The following FSTL4 variants were observed in gnomAD, a reference collection of about 807,000 sequenced individuals.
FSTL4 encodes follistatin like 4, also known as follistatin-related protein 4.
FSTL4 carries 28 observed loss-of-function variants against 78.2 expected under a neutral mutation model. The ratio of observed to expected loss-of-function variants is 0.36; its 90% CI spans 0.27 to 0.49. The LOEUF (loss-of-function observed/expected upper bound fraction) is 0.49, where lower values mean the gene tolerates loss of function less well. FSTL4 is among the 20% of genes least tolerant of loss of function. FSTL4 has a pLI of 0.98. For missense variants in FSTL4, 922 were observed against 1,084.9 expected, an observed-to-expected ratio of 0.85 and a Z score of 2.11; for synonymous variants, 422 against 440.5, an observed-to-expected ratio of 0.96 and a Z score of 0.53.
intron 6 of FSTL4, among the ~76,000 whole-genome samples, chr5:133,280,593 T>A (rs956612310): frequency 1.3e-5 from 2 of 152,250 alleles, no homozygotes; most frequent in Non-Finnish European, 1.5e-5. Context: ...TGACCACAAC[T>A]GGGAGGCTCC....
chr5:133,800,742 T>C, the FSTL4 span, among the ~76,000 whole-genome samples: 1 of 90,542 alleles, frequency 1.1e-5, no homozygotes. Context: ...ATGCTTCACC[T>C]CCCCAGACAT....
chr5:133,335,368 G>A (rs891181179), intron 4 of FSTL4, among the ~76,000 whole-genome samples: 7 of 151,960 alleles, frequency 4.6e-5, no homozygotes, highest in African/African-American at 1.5e-4. Context: ...ATGGACTCAG[G>A]CACGGCTGGG....
the FSTL4 span, among the ~76,000 whole-genome samples, chr5:133,832,233 A>T: frequency 2.0e-5 from 3 of 152,254 alleles, no homozygotes; most frequent in Non-Finnish European, 2.9e-5. Context: ...CTCTAAAGGA[A>T]GCTGTGAATA....
chr5:133,721,467 T>C, the FSTL4 span, among the ~76,000 whole-genome samples: 1 of 152,230 alleles, frequency 6.6e-6, no homozygotes, highest in African/African-American at 2.4e-5. Context: ...GCAGTACTAG[T>C]GGTGATGAAT....
At chr5:133,243,320 CTGTTTTTTT>C (rs1427207632) in intron 7 of FSTL4, among the ~76,000 whole-genome samples, 2 of 151,866 alleles carry the variant, frequency 1.3e-5, no homozygotes, top group African/African-American at 4.8e-5. Flanking sequence ...TTTGTTTTTT[CTGTTTTTTT>C]AAAAAAGAAT....
intron 3 of FSTL4, among the ~76,000 whole-genome samples, chr5:133,529,069 ATTGT>A (rs1759197094): frequency 6.6e-6 from 1 of 152,148 alleles, no homozygotes; most frequent in Non-Finnish European, 1.5e-5. Flanking sequence ...CTTGGAAGCC[ATTGT>A]CAGCCTGGAT....
chr5:133,203,127 C>T (rs541462295), intron 14 of FSTL4, among the ~76,000 whole-genome samples: 4 of 152,312 alleles, frequency 2.6e-5, no homozygotes, highest in East Asian at 3.9e-4. Context: ...ACCAGTGGTC[C>T]GATGAGGGGC....
chr5:133,427,038 A>G (rs1561712792), intron 3 of FSTL4, among the ~76,000 whole-genome samples: 1 of 152,242 alleles, frequency 6.6e-6, no homozygotes, highest in East Asian at 1.9e-4. Flanking sequence ...CATCCTATGA[A>G]CTAGCTCACA....
Position 133,231,741 on chromosome 5 carries a change from C to T in FSTL4, c.1015+1676G>A, listed in dbSNP as rs187590582. Among the ~76,000 whole-genome samples the T allele has an allele frequency of 2.1e-3, 321 of 152,284 alleles. 1 individual carries two copies. The highest frequency in any genetic ancestry group is 6.3e-3 in the African/African-American group (263 of 41,562). The stretch of plus-strand genomic sequence containing the variant: ...CATTTTTTGTAGAGACAGGGTTTCA[C>T]CATGTTGGCCAGGCTGGGTTCGAAC... On this transcript the variant is annotated intron_variant, in intron 8 of 15. Transcript: ENST00000265342.
At chr5:133,683,477 A>G in the FSTL4 span, among the ~76,000 whole-genome samples, 1 of 152,152 alleles carries the variant, frequency 6.6e-6, no homozygotes, top group South Asian at 2.1e-4. Flanking sequence ...TTTAATTGAG[A>G]AAAAAATCCT....
At chr5:133,216,289 C>A (rs192866051) in intron 13 of FSTL4, among the ~76,000 whole-genome samples, 58 of 152,300 alleles carry the variant, frequency 3.8e-4, no homozygotes, top group Non-Finnish European at 6.9e-4. Flanking sequence ...CAGATCCCTG[C>A]TCCATCTTCC....
At chr5:133,283,411 C>T (rs761073991) in intron 6 of FSTL4, among the ~76,000 whole-genome samples, 15 of 152,150 alleles carry the variant, frequency 9.9e-5, no homozygotes, top group South Asian at 4.1e-4. Context: ...TGGCAAGTGA[C>T]AAAGAAAGCA....
chr5:133,543,484 C>T (rs1051090514), intron 3 of FSTL4, among the ~76,000 whole-genome samples: 4 of 152,206 alleles, frequency 2.6e-5, no homozygotes, highest in African/African-American at 9.6e-5. Context: ...TCGGTAAATA[C>T]ATACTTGGAA....
chr5:133,385,569 T>C (rs950053665), intron 4 of FSTL4, among the ~76,000 whole-genome samples: 4 of 152,178 alleles, frequency 2.6e-5, no homozygotes, highest in African/African-American at 9.7e-5. Context: ...GCAGCAAATC[T>C]AGTTAGCAGC....
chr5:133,662,487 C>T, the FSTL4 span, among the ~76,000 whole-genome samples: 1 of 152,126 alleles, frequency 6.6e-6, no homozygotes, highest in African/African-American at 2.4e-5. Flanking sequence ...AAGGCATACA[C>T]CGTGGAGGGA....
chr5:133,822,216 C>A, the FSTL4 span, among the ~76,000 whole-genome samples: 1 of 152,220 alleles, frequency 6.6e-6, no homozygotes, highest in East Asian at 1.9e-4. Flanking sequence ...AACAAGAGGT[C>A]TCTGAAGGTA....
intron 6 of FSTL4, among the ~76,000 whole-genome samples, chr5:133,259,958 C>G (rs1358414230): frequency 2.0e-5 from 3 of 152,074 alleles, no homozygotes; most frequent in Admixed American, 1.3e-4. Flanking sequence ...TGATGATAAC[C>G]CCCTAACCCT....
At chr5:133,366,092 C>T (rs1755175881) in intron 4 of FSTL4, among the ~76,000 whole-genome samples, 1 of 152,222 alleles carries the variant, frequency 6.6e-6, no homozygotes, top group Admixed American at 6.5e-5. Context: ...CTCCTACCAC[C>T]CTCTCACTTT....
chr5:133,810,592 G>A, the FSTL4 span, among the ~76,000 whole-genome samples: 1 of 152,184 alleles, frequency 6.6e-6, no homozygotes, highest in Non-Finnish European at 1.5e-5. Context: ...AGAGAAAGGG[G>A]CGCCCAAGTG....
Sources: gnomAD v4.1 joint callset for allele counts (sites outside exome capture counted in the v4.1 genomes callset) on GRCh38, gnomAD v4.1.1 for gene constraint, MANE v1.5 for transcripts, NCBI Gene and HGNC (gene_info 2026-07-23, HGNC 2026-07-21) for gene names.